The following UACA variants were observed in gnomAD, a reference collection of about 807,000 sequenced individuals.
UACA encodes the protein uveal autoantigen with coiled-coil domains and ankyrin repeats.
UACA carries 112 observed loss-of-function variants against 160.5 expected under a neutral mutation model. The ratio of observed to expected loss-of-function variants is 0.70; its 90% confidence interval spans 0.60 to 0.82. UACA has a LOEUF of 0.82. Ranked by LOEUF, UACA falls within the 40% of genes least tolerant of loss-of-function variation. The pLI is 0.00. For missense variants in UACA, 1,574 were observed against 1,614.6 expected (o/e 0.97, Z 0.43); for synonymous variants, 557 against 568.4 (o/e 0.98, Z 0.29).
At chr15:70,682,410 G>A (rs75574500) in intron 9 of UACA, among the ~76,000 whole-genome samples, 2,060 of 152,258 alleles carry the variant, frequency 0.014, 43 homozygotes, top group African/African-American at 0.048. Flanking sequence ...TATTAAGGGA[G>A]ACTGGGGGAA....
intron 1 of UACA, chr15:70,701,851 T>C (rs960568435): frequency 1.1e-5 from 17 of 1,592,252 alleles, no homozygotes; most frequent in Non-Finnish European, 1.4e-5. Flanking sequence ...GAATCTTTTG[T>C]TACACTAGAC....
At chr15:70,703,485 C>A (rs1396910456) in intron 1 of UACA, among the ~76,000 whole-genome samples, 1 of 151,772 alleles carries the variant, frequency 6.6e-6, no homozygotes, top group Non-Finnish European at 1.5e-5. Flanking sequence ...TTGTTTTTTC[C>A]CCCAAACCAC....
At chr15:70,672,564 A>G (rs1383674385) in intron 13 of UACA, among the ~76,000 whole-genome samples, 1 of 152,220 alleles carries the variant, frequency 6.6e-6, no homozygotes, top group Non-Finnish European at 1.5e-5. Context: ...GAAATAATAG[A>G]GAACTCTAGC....
rs1896446522 is a variant in UACA, at chr15:70,655,149, C to T, written c.*1907G>A. 1 of 152,140 alleles carries T rather than the reference C, an allele frequency of 6.6e-6. No individual in the cohort carries two copies. Among genetic ancestry groups the T allele is most frequent in the African/African-American group, 2.4e-5 (1 of 41,438 alleles). 9.4% of individuals were successfully genotyped at this position (152,140 alleles called of 1,614,324 possible). A position where few individuals can be genotyped will look rare whatever the true frequency, so the allele number is the denominator to read the frequency against. ...TGATGGTTGAAAACAAAATAAAATACACATAAGGTTCCCTTCCCATCTCTA... is the reference window on the plus strand; with the variant it reads ...TGATGGTTGAAAACAAAATAAAATATACATAAGGTTCCCTTCCCATCTCTA... On this transcript the variant is annotated 3_prime_UTR_variant, in exon 19 of 19. Transcript: ENST00000322954.
upstream of UACA, chr15:70,768,255 T>C (rs1205664102): frequency 6.6e-6 from 1 of 152,224 alleles, no homozygotes; most frequent in African/African-American, 2.4e-5. Flanking sequence ...AATCTTGAGT[T>C]TACCACTTAT....
At chr15:70,772,847 G>A in the UACA span, among the ~76,000 whole-genome samples, 2 of 152,104 alleles carry the variant, frequency 1.3e-5, no homozygotes, top group Non-Finnish European at 2.9e-5. Flanking sequence ...CCAGCACTTT[G>A]GGAGGCCAAG....
At position 70,667,203 on chromosome 15, in the gene UACA, T is replaced by A. The variant is rs752497204; in HGVS notation, c.3481A>T (p.Asn1161Tyr). ...KLHQLLENQK[N>Y]SSVPLAEHLQ... ...TGCTCTGCCAGGGGTACAGAAGAGT[T>A]CTTTTGATTCTCCAACAATTGATGC... The change falls in exon 16 of 19, where the codon AAC (asparagine) becomes TAC (tyrosine). Residue 1161 changes from asparagine to tyrosine, a missense_variant. Asn to Tyr is a moderately radical substitution (Grantham distance 143, BLOSUM62 -2). Coordinates refer to ENST00000322954, the MANE Select transcript of UACA (RefSeq NM_018003.4). The A allele has an allele frequency of 6.2e-7, 1 of 1,613,920 alleles. No homozygotes were observed. The highest frequency in any genetic ancestry group is 1.6e-4 in the Middle Eastern group (1 of 6,062).
chr15:70,718,273 G>GGGGAGAGA (rs1235401737), intron 1 of UACA, among the ~76,000 whole-genome samples: 1 of 147,464 alleles, frequency 6.8e-6, no homozygotes, highest in Non-Finnish European at 1.5e-5. Context: ...GGGGGAGGAG[G>GGGGAGAGA]GGGAGAGAGG....
chr15:70,774,545 C>CAAAAAAAAAAAAAAAAAAAAA, the UACA span, among the ~76,000 whole-genome samples: 48 of 82,450 alleles, frequency 5.8e-4, 3 homozygotes, highest in African/African-American at 1.3e-3. Flanking sequence ...GACTCTGTCT[C>CAAAAAAAAAAAAAAAAAAAAA]AAAAAAAAAA....
chr15:70,671,925 C>T, intron 14 of UACA, 40 bp downstream of exon 14: 2 of 1,525,144 alleles, frequency 1.3e-6, no homozygotes, highest in Non-Finnish European at 8.9e-7. Context: ...TTTACTTGAA[C>T]TAGGTGAACT....
the UACA span, among the ~76,000 whole-genome samples, chr15:70,777,396 T>C: frequency 6.6e-6 from 1 of 152,184 alleles, no homozygotes; most frequent in East Asian, 1.9e-4. Flanking sequence ...GTGGGAGTCA[T>C]CAACATACAG....
At chr15:70,754,070 T>A (rs918934839) in intron 1 of UACA, 3 of 454,554 alleles carry the variant, frequency 6.6e-6, no homozygotes, top group African/African-American at 6.0e-5. Context: ...CCTTCCAAAG[T>A]GTTGGGATTA....
At chr15:70,706,519 TAAA>T (rs34478198) in intron 1 of UACA, among the ~76,000 whole-genome samples, 1 of 121,354 alleles carries the variant, frequency 8.2e-6, no homozygotes. Context: ...TCTTATTTGT[TAAA>T]AAAAAAAAAA....
intron 2 of UACA, among the ~76,000 whole-genome samples, chr15:70,697,715 A>G (rs966096246): frequency 1.3e-5 from 2 of 152,230 alleles, no homozygotes; most frequent in African/African-American, 4.8e-5. Flanking sequence ...TTTGTGTGTG[A>G]GTAAAAAAAG....
At chr15:70,657,266 G>T in intron 18 of UACA, 139 bp from the exon 19 acceptor site, 1 of 701,718 alleles carries the variant, frequency 1.4e-6, no homozygotes, top group Non-Finnish European at 2.5e-6. Context: ...ATTTCTAAAG[G>T]AATTACTGGA....
chr15:70,679,338 G>A (rs867563889), intron 10 of UACA, among the ~76,000 whole-genome samples: 31 of 151,894 alleles, frequency 2.0e-4, no homozygotes, highest in Middle Eastern at 3.4e-3. Context: ...GGGAGGCAGA[G>A]GTTGCAGTGA....
chr15:70,661,216 G>A (rs1375826926), intron 17 of UACA: 4 of 152,224 alleles, frequency 2.6e-5, no homozygotes, highest in African/African-American at 9.6e-5. Context: ...TTAAAAACTA[G>A]CTTCTACCAC....
chr15:70,709,320 A>G (rs1199832861), intron 1 of UACA, among the ~76,000 whole-genome samples: 1 of 152,228 alleles, frequency 6.6e-6, no homozygotes, highest in South Asian at 2.1e-4. Context: ...TATCTATGGT[A>G]AAAGACAAAA....
chr15:70,677,457 A>T (rs574636724), intron 11 of UACA, among the ~76,000 whole-genome samples: 1 of 152,274 alleles, frequency 6.6e-6, no homozygotes, highest in East Asian at 1.9e-4. Context: ...TTGCTTTTGC[A>T]TATGTTCAAT....
Sources: allele counts gnomAD v4.1 joint callset (sites outside exome capture counted in the v4.1 genomes callset), GRCh38; gene constraint gnomAD v4.1.1; transcripts MANE v1.5; gene names NCBI Gene and HGNC (gene_info 2026-07-23, HGNC 2026-07-21).